The following PDE4A variants were observed in gnomAD, a reference collection of about 807,000 sequenced individuals.
The protein encoded by PDE4A is phosphodiesterase 4A.
A neutral mutation model predicts 73.9 loss-of-function variants in PDE4A; 21 were observed. The observed-to-expected ratio is 0.28, with a 90% confidence interval of 0.20 to 0.41. PDE4A has a LOEUF of 0.41. Among genes scored for constraint, PDE4A ranks in the 10% least tolerant of loss-of-function variants. PDE4A has a pLI of 1.00. For missense variants in PDE4A, 958 were observed against 1,211.4 expected, an observed-to-expected ratio of 0.79 and a Z score of 3.10; for synonymous variants, 463 against 505.4, an observed-to-expected ratio of 0.92 and a Z score of 1.13.
upstream of PDE4A, chr19:10,417,851 G>A: frequency 6.4e-7 from 1 of 1,557,576 alleles, no homozygotes; most frequent in South Asian, 1.2e-5. Context: ...CCATCACCAG[G>A]GCCGAGAACG....
chr19:10,441,684 ATTTTTT>A (rs1308151510), intron 1 of PDE4A, among the ~76,000 whole-genome samples: 1 of 92,730 alleles, frequency 1.1e-5, no homozygotes, highest in Non-Finnish European at 2.1e-5. Context: ...ATTTTGAGTT[ATTTTTT>A]TTTTTTTTTT....
At position 10,454,754 on chromosome 19, in the gene PDE4A, C is replaced by T. The variant is rs185585783; in HGVS notation, c.784-75C>T. On this transcript the variant is annotated intron_variant, in intron 6 of 14. Coordinates refer to ENST00000380702, the MANE Select transcript of PDE4A (RefSeq NM_001111307.2). ...GGGACTCATGGGGTCTTCAGGCGTT[C>T]TTGGGAAGGACTGACACCCTCCTCA... 1.2e-3 allele frequency: 1,862 copies of T among 1,604,052 alleles called. 4 individuals carry two copies. Among genetic ancestry groups the T allele is most frequent in the Non-Finnish European group, 1.5e-3 (1,705 of 1,173,086 alleles).
At chr19:10,421,350 G>C (rs1568362784) in intron 1 of PDE4A, 1 of 984,770 alleles carries the variant, frequency 1.0e-6, no homozygotes, top group Admixed American at 6.1e-5. Flanking sequence ...GGGGAAGGGG[G>C]CTGCACACTT....
At chr19:10,423,025 C>A in intron 1 of PDE4A, 1 of 797,154 alleles carries the variant, frequency 1.3e-6, no homozygotes, top group Non-Finnish European at 1.5e-6. Context: ...ATCCATCTCG[C>A]AATGGCTCAC....
Position 10,458,050 on chromosome 19 carries a change from C to T in PDE4A, c.1049C>T (p.Ser350Phe), listed in dbSNP as rs200316343. ...KLMHSNSLNNSNIPRFGVKTD... is the reference protein window; with the variant it reads ...KLMHSNSLNNFNIPRFGVKTD... ...ATGCATAGTAACAGCCTGAACAACT[C>T]TAACATTCCCCGATTTGGGGTGAAG... Residue 350 changes from serine to phenylalanine, a missense_variant, in exon 8 of 15, where the codon TCT (serine) becomes TTT (phenylalanine). Physicochemically the swap from Ser to Phe is radical, Grantham distance 155. Coordinates refer to ENST00000380702, the MANE Select transcript of PDE4A (RefSeq NM_001111307.2). This position sits in a 1 kb window ranked among gnomAD's most constrained non-coding sequence, Gnocchi z 4.6. The T allele has an allele frequency of 3.1e-6, 5 of 1,613,880 alleles. No individual in the cohort carries two copies. Among genetic ancestry groups the T allele is most frequent in the East Asian group, 4.5e-5 (2 of 44,884 alleles).
rs1434688796 is a variant in PDE4A, at chr19:10,453,398, G to T, written c.784-1431G>T. ...CTGGGCCCCCGGTGTGGGCTTGTGT[G>T]TGCAGCTGTGCACGTGTGTGGCCTG... On this transcript the variant is annotated intron_variant, in intron 6 of 14. Transcript: ENST00000380702. The surrounding 1 kb of genome is among the most constrained non-coding windows in gnomAD (Gnocchi z 4.6). 1.1e-5 allele frequency: 17 copies of T among 1,539,536 alleles called. No homozygotes were observed. The South Asian group carries it at 1.3e-4, about 12-fold the overall frequency.
chr19:10,459,121 G>A (rs913755236), intron 8 of PDE4A: 5 of 447,386 alleles, frequency 1.1e-5, no homozygotes, highest in Admixed American at 3.4e-5. Flanking sequence ...AAGTCACATC[G>A]CCTCTCTGAG....
chr19:10,422,601 T>C (rs1451573871), intron 1 of PDE4A, among the ~76,000 whole-genome samples: 1 of 152,062 alleles, frequency 6.6e-6, no homozygotes, highest in Non-Finnish European at 1.5e-5. Flanking sequence ...CTCTCTAAGA[T>C]GTAGCCCTAC....
chr19:10,454,291 C>T (rs749501760), intron 6 of PDE4A, among the ~76,000 whole-genome samples: 1 of 152,216 alleles, frequency 6.6e-6, no homozygotes, highest in Admixed American at 6.5e-5. Context: ...CTACCACGTT[C>T]CCTTTTTCCA....
chr19:10,466,949 A>C lies in PDE4A; in HGVS notation c.1989A>C (p.Pro663=). Residue 663 remains proline (P), a synonymous_variant, in exon 15 of 15, where the codon CCA becomes CCC. Transcript: ENST00000380702. ...AGACCTGGGCGGACCTTGTCCACCC[A>C]GATGCCCAGGAGATCTTGGACACTT... The part of the protein sequence containing the change: ...LWETWADLVH[P]DAQEILDTLE... 1 of 1,614,142 alleles carries C rather than the reference A, an allele frequency of 6.2e-7. No individual in the cohort carries two copies. Among genetic ancestry groups the C allele is most frequent in the African/African-American group, 1.3e-5 (1 of 75,024 alleles).
chr19:10,459,791 A>T (rs78503130), intron 10 of PDE4A, 32 bp downstream of exon 10: 10 of 1,555,784 alleles, frequency 6.4e-6, no homozygotes, highest in Middle Eastern at 2.0e-4. Flanking sequence ...GACCGTCCCC[A>T]TCTCTCTTTG....
At chr19:10,457,822 G>C in intron 7 of PDE4A, 57 bp from the exon 8 acceptor site, 2 of 1,599,864 alleles carry the variant, frequency 1.3e-6, no homozygotes, top group Non-Finnish European at 1.7e-6. Context: ...AAGAATAAGG[G>C]AGCCTCCAGG....
upstream of PDE4A, chr19:10,420,276 C>T (rs942200814): frequency 8.8e-6 from 4 of 452,218 alleles, no homozygotes; most frequent in Non-Finnish European, 1.2e-5. This position sits in a 1 kb window ranked among gnomAD's most constrained non-coding sequence, Gnocchi z 6.0. Flanking sequence ...CGTTTAACTC[C>T]TTCGTGCCTG....
At chr19:10,433,917 G>A (rs966179041) in intron 1 of PDE4A, among the ~76,000 whole-genome samples, 4 of 152,350 alleles carry the variant, frequency 2.6e-5, no homozygotes, top group Admixed American at 1.3e-4. Context: ...CAGCTTTGTA[G>A]CTCAGCTGCC....
intron 6 of PDE4A, among the ~76,000 whole-genome samples, chr19:10,452,099 G>A (rs2043100155): frequency 6.6e-6 from 1 of 150,984 alleles, no homozygotes; most frequent in Admixed American, 6.6e-5. Context: ...TTATGGATTT[G>A]TCGGGATATG....
chr19:10,434,180 CCTTTCCTT>C (rs1431999912), intron 1 of PDE4A, among the ~76,000 whole-genome samples: 3 of 139,086 alleles, frequency 2.2e-5, no homozygotes, highest in South Asian at 2.4e-4. Flanking sequence ...TTTCTTTCTT[CCTTTCCTT>C]CTTTCCTTCT....
chr19:10,419,097 C>T, upstream of PDE4A: 2 of 908,806 alleles, frequency 2.2e-6, no homozygotes, highest in Non-Finnish European at 2.5e-6. Context: ...AGGAGAAGGG[C>T]GCGGGGGGAG....
intron 1 of PDE4A, among the ~76,000 whole-genome samples, chr19:10,434,591 G>A (rs1444919522): frequency 1.4e-5 from 2 of 144,380 alleles, no homozygotes; most frequent in Non-Finnish European, 3.1e-5. Flanking sequence ...ACATAAGTTT[G>A]TTTTTTTTTT....
At chr19:10,431,848 T>A (rs2042792408) in intron 1 of PDE4A, among the ~76,000 whole-genome samples, 1 of 152,036 alleles carries the variant, frequency 6.6e-6, no homozygotes, top group Non-Finnish European at 1.5e-5. Context: ...AGGGTGTGTG[T>A]AGGGAAATCG....
Sources: allele counts gnomAD v4.1 joint callset (sites outside exome capture counted in the v4.1 genomes callset), GRCh38; gene constraint gnomAD v4.1.1; non-coding constraint Gnocchi (gnomAD v3.1); transcripts MANE v1.5; gene names NCBI Gene and HGNC (gene_info 2026-07-23, HGNC 2026-07-21).